Variants in GRM5 observed in about 807,000 individuals in gnomAD.
GRM5 encodes metabotropic glutamate receptor 5.
A neutral mutation model predicts 83.1 loss-of-function variants in GRM5; 19 were observed. That is an observed-to-expected ratio of 0.23 (90% CI 0.16 to 0.34). The LOEUF is 0.34. Among genes scored for constraint, GRM5 ranks in the 10% least tolerant of loss-of-function variants. GRM5 has a pLI of 1.00. For synonymous variants in GRM5, 675 were observed against 633.6 expected (o/e 1.07, Z -0.98); for missense variants, 1,160 against 1,588.3 (o/e 0.73, Z 4.58).
intron 1 of GRM5, among the ~76,000 whole-genome samples, chr11:89,052,094 G>A (rs546407052): frequency 8.5e-5 from 13 of 152,274 alleles, no homozygotes; most frequent in African/African-American, 2.6e-4. Context: ...ACATAAACAC[G>A]TGAGGGGCAG....
chr11:88,731,624 T>TTTGTTG (rs938563018), intron 3 of GRM5, among the ~76,000 whole-genome samples: 1 of 151,940 alleles, frequency 6.6e-6, no homozygotes, highest in Non-Finnish European at 1.5e-5. Context: ...TTGATGGGAT[T>TTTGTTG]TTGTTGTTGT....
intron 2 of GRM5, among the ~76,000 whole-genome samples, chr11:88,914,260 A>G (rs538376416): frequency 7.2e-5 from 11 of 152,308 alleles, no homozygotes; most frequent in African/African-American, 2.2e-4. Context: ...TCTTTGAGAC[A>G]TCATGCTTCC....
chr11:88,926,352 A>G (rs1945789470), intron 2 of GRM5, among the ~76,000 whole-genome samples: 1 of 152,212 alleles, frequency 6.6e-6, no homozygotes, highest in South Asian at 2.1e-4. Context: ...TACCACTAGC[A>G]TGTTGAAAGA....
At chr11:88,602,142 A>G (rs371643317) in intron 5 of GRM5, among the ~76,000 whole-genome samples, 1 of 152,134 alleles carries the variant, frequency 6.6e-6, no homozygotes, top group East Asian at 1.9e-4. Flanking sequence ...TCTAGGGATG[A>G]AATGTGACTG....
chr11:89,055,126 C>A (rs547568588), intron 1 of GRM5, among the ~76,000 whole-genome samples: 28 of 152,324 alleles, frequency 1.8e-4, no homozygotes, highest in African/African-American at 4.8e-4. Flanking sequence ...TTTGCACATG[C>A]TGCTTCTGAT....
At chr11:88,701,784 TA>T (rs1941042340) in intron 3 of GRM5, among the ~76,000 whole-genome samples, 1 of 152,126 alleles carries the variant, frequency 6.6e-6, no homozygotes, top group African/African-American at 2.4e-5. Context: ...AAAACTTTTC[TA>T]AAAACTTGGA....
rs76032965 is a variant in GRM5, at chr11:88,529,620, G to C, written c.2631-4216C>G. ...TGGAATCCTTATGCTACATAAAACA[G>C]GATCAGAGTTGACATTTAGATAAAA... On this transcript the variant is annotated intron_variant, in intron 8 of 9. Transcript: ENST00000305447. Among the ~76,000 whole-genome samples, 406 of 152,028 alleles carry C rather than the reference G, an allele frequency of 2.7e-3. 2 individuals are homozygous for C. The highest frequency in any genetic ancestry group is 9.4e-3 in the African/African-American group (392 of 41,548).
intron 3 of GRM5, among the ~76,000 whole-genome samples, chr11:88,783,296 G>A (rs72643324): frequency 0.082 from 12,516 of 152,072 alleles, 922 homozygotes; most frequent in African/African-American, 0.21. Flanking sequence ...TTAGAATCCT[G>A]TAAACAATCA....
At chr11:88,591,679 T>C (rs1349724130) in intron 6 of GRM5, among the ~76,000 whole-genome samples, 1 of 152,190 alleles carries the variant, frequency 6.6e-6, no homozygotes, top group African/African-American at 2.4e-5. Context: ...TATAGCCAAA[T>C]ATAATTGTAA....
At chr11:88,908,569 A>AT (rs774692859) in intron 2 of GRM5, among the ~76,000 whole-genome samples, 49 of 152,024 alleles carry the variant, frequency 3.2e-4, no homozygotes, top group Non-Finnish European at 6.3e-4. Context: ...ATAAGAGGCT[A>AT]TTTTTTGCCT....
intron 8 of GRM5, among the ~76,000 whole-genome samples, chr11:88,532,903 C>T (rs1288438969): frequency 1.3e-5 from 2 of 152,124 alleles, no homozygotes; most frequent in South Asian, 2.1e-4. Context: ...GCTCCATCTG[C>T]AAAACATACC....
At chr11:88,939,165 C>A (rs1385030242) in intron 2 of GRM5, among the ~76,000 whole-genome samples, 1 of 151,688 alleles carries the variant, frequency 6.6e-6, no homozygotes, top group South Asian at 2.1e-4. Context: ...TTTCTCTTCT[C>A]TTGAGATCAC....
At chr11:88,722,111 T>A (rs916553143) in intron 3 of GRM5, among the ~76,000 whole-genome samples, 4 of 152,172 alleles carry the variant, frequency 2.6e-5, no homozygotes, top group Non-Finnish European at 5.9e-5. Context: ...GGTTCACATT[T>A]GGTCAAAATT....
In GRM5 at chr11:89,048,138, T is replaced by C; in HGVS notation, c.-200-66A>G. ...ATGCAACTAGTTTGGGGAAGTTCTA[T>C]AATCCATGTTAGCAGAGAAAATATT... On this transcript the variant is annotated intron_variant, in intron 1 of 9. Coordinates refer to ENST00000305447, the MANE Select transcript of GRM5 (RefSeq NM_001143831.3). 7 of 402,304 alleles carry C rather than the reference T, an allele frequency of 1.7e-5. No homozygotes were observed. In the South Asian group the frequency reaches 2.4e-4, roughly 14 times the overall value. 24.9% of individuals were successfully genotyped at this position (402,304 alleles called of 1,614,324 possible).
At chr11:88,716,596 A>G (rs1941405304) in intron 3 of GRM5, among the ~76,000 whole-genome samples, 1 of 151,966 alleles carries the variant, frequency 6.6e-6, no homozygotes, top group South Asian at 2.1e-4. Context: ...ATATAATAAA[A>G]GAAATCAGGA....
At chr11:88,950,006 A>T (rs1300672028) in intron 2 of GRM5, among the ~76,000 whole-genome samples, 1 of 150,684 alleles carries the variant, frequency 6.6e-6, no homozygotes, top group Non-Finnish European at 1.5e-5. Context: ...CTGGGACTAC[A>T]GGTACATGCC....
intron 2 of GRM5, among the ~76,000 whole-genome samples, chr11:88,867,846 GT>G (rs1401074064): frequency 6.6e-6 from 1 of 151,772 alleles, no homozygotes; most frequent in African/African-American, 2.4e-5. Context: ...CATTTCTGTT[GT>G]TTACGAACCA....
chr11:88,534,774 C>A (rs1045107717), intron 8 of GRM5, among the ~76,000 whole-genome samples: 2 of 152,152 alleles, frequency 1.3e-5, no homozygotes, highest in African/African-American at 4.8e-5. Context: ...TTTCCCCACA[C>A]AAATTTCATC....
At position 88,747,956 on chromosome 11, in the gene GRM5, A is replaced by T. The variant is rs138796404; in HGVS notation, c.912-94553T>A. On this transcript the variant is annotated intron_variant, in intron 3 of 9. Transcript: ENST00000305447. Reference sequence around the variant, plus strand: ...TCGACTGAAATATCCAGGTTCTTACATTGGGATTGACTAGGCAAACAACCT... The same window carrying T: ...TCGACTGAAATATCCAGGTTCTTACTTTGGGATTGACTAGGCAAACAACCT... 3.2e-3 allele frequency among the ~76,000 whole-genome samples: 490 copies of T among 152,250 alleles called. 1 individual carries two copies. Among genetic ancestry groups the T allele is most frequent in the African/African-American group, 0.011 (467 of 41,556 alleles).
Sources: gnomAD v4.1 joint callset for allele counts (sites outside exome capture counted in the v4.1 genomes callset) on GRCh38, gnomAD v4.1.1 for gene constraint, MANE v1.5 for transcripts, NCBI Gene and HGNC (gene_info 2026-07-23, HGNC 2026-07-21) for gene names.